The following KSR1 variants were observed in gnomAD, a reference collection of about 807,000 sequenced individuals.
KSR1 encodes the protein kinase suppressor of ras 1, also known as kinase suppressor of ras.
Under a neutral mutation model 92.9 loss-of-function variants are expected in KSR1, and 35 were observed. The ratio of observed to expected loss-of-function variants is 0.38; its 90% CI spans 0.29 to 0.50. The LOEUF is 0.50. Ranked by LOEUF, KSR1 falls within the 20% of genes least tolerant of loss-of-function variation. KSR1 has a pLI of 0.94. For synonymous variants in KSR1, 467 were observed against 472.6 expected (o/e 0.99, Z 0.15); for missense variants, 972 against 1,158.5 (o/e 0.84, Z 2.34).
intron 1 of KSR1, among the ~76,000 whole-genome samples, chr17:27,488,446 A>G (rs1485536003): frequency 6.6e-6 from 1 of 151,448 alleles, no homozygotes; most frequent in Non-Finnish European, 1.5e-5. Flanking sequence ...TTTCCTCTTG[A>G]TAGTTACTTA....
intron 9 of KSR1, among the ~76,000 whole-genome samples, chr17:27,593,428 G>C (rs941693849): frequency 2.6e-5 from 4 of 152,110 alleles, no homozygotes; most frequent in Non-Finnish European, 5.9e-5. Context: ...CAGACCAGGG[G>C]CTTAGCGTGT....
intron 2 of KSR1, among the ~76,000 whole-genome samples, chr17:27,569,301 T>C (rs943342623): frequency 2.0e-5 from 3 of 152,258 alleles, no homozygotes; most frequent in African/African-American, 7.2e-5. Context: ...GTTTCTCTAA[T>C]GCAGGACACA....
At chr17:27,469,239 T>C (rs1468976015) in intron 1 of KSR1, among the ~76,000 whole-genome samples, 2 of 151,006 alleles carry the variant, frequency 1.3e-5, no homozygotes, top group Non-Finnish European at 2.9e-5. Context: ...GTTGACCACT[T>C]TCTCATTTCT....
At chr17:27,579,226 T>G (rs1015993519) in intron 3 of KSR1, 1 of 152,196 alleles carries the variant, frequency 6.6e-6, no homozygotes, top group Non-Finnish European at 1.5e-5. Flanking sequence ...CATTAGATTG[T>G]GCATCACAGC....
Position 27,548,639 on chromosome 17 carries a change from G to A in KSR1, c.232-1929G>A, listed in dbSNP as rs910306209. 4.5e-4 allele frequency among the ~76,000 whole-genome samples: 69 copies of A among 152,270 alleles called. 1 individual carries two copies. The highest frequency in any genetic ancestry group is 1.6e-3 in the African/African-American group (67 of 41,560). ...GAGGTCAGAAGTTGGAGACCAGCCT[G>A]TCCAACATGGCGAAAACCCGTCTCT... On this transcript the variant is annotated intron_variant, in intron 1 of 20. Coordinates refer to ENST00000644974, the MANE Select transcript of KSR1 (RefSeq NM_001394583.1).
chr17:27,513,685 A>T (rs1476160647), intron 1 of KSR1, among the ~76,000 whole-genome samples: 1 of 152,122 alleles, frequency 6.6e-6, no homozygotes, highest in Non-Finnish European at 1.5e-5. Context: ...TCTCTTGGGG[A>T]CGCATCGTTT....
chr17:27,601,549 T>C lies in KSR1; in HGVS notation c.1510+148T>C, dbSNP rs558649191. ...CTGAGAGCTGACTGCCCATAGAGGA[T>C]GGGAAGAGGGCAGGGCAAGTGCCCT... On this transcript the variant is annotated intron_variant, in intron 11 of 20. Transcript: ENST00000644974. 436 of 708,954 alleles carry C rather than the reference T, an allele frequency of 6.1e-4. 5 individuals are homozygous for C. In the South Asian group the frequency reaches 7.7e-3, roughly 13 times the overall value. 43.9% of individuals were successfully genotyped at this position (708,954 alleles called of 1,614,324 possible).
chr17:27,524,477 G>T (rs1767548204), intron 1 of KSR1, among the ~76,000 whole-genome samples: 1 of 152,220 alleles, frequency 6.6e-6, no homozygotes, highest in Non-Finnish European at 1.5e-5. Context: ...AGGTTTGGAG[G>T]CTGAAGGACA....
chr17:27,567,557 C>T (rs1208400398), intron 2 of KSR1, among the ~76,000 whole-genome samples: 1 of 152,234 alleles, frequency 6.6e-6, no homozygotes, highest in Admixed American at 6.5e-5. Context: ...GAGCCCAGAG[C>T]CGCATTGCTT....
chr17:27,471,196 C>T (rs1215617107), intron 1 of KSR1, among the ~76,000 whole-genome samples: 1 of 152,126 alleles, frequency 6.6e-6, no homozygotes, highest in Non-Finnish European at 1.5e-5. Context: ...AGCATCTGCT[C>T]AATATCAGGT....
At chr17:27,500,264 G>C (rs533755309) in intron 1 of KSR1, among the ~76,000 whole-genome samples, 59 of 152,286 alleles carry the variant, frequency 3.9e-4, no homozygotes, top group African/African-American at 1.3e-3. Flanking sequence ...GCCTTCCCTT[G>C]AGCATTAGGG....
At chr17:27,540,278 G>A (rs984438206) in intron 1 of KSR1, among the ~76,000 whole-genome samples, 9 of 152,224 alleles carry the variant, frequency 5.9e-5, no homozygotes, top group Non-Finnish European at 8.8e-5. Flanking sequence ...AAGTGAGCTC[G>A]TTTTGTCTCA....
intron 1 of KSR1, among the ~76,000 whole-genome samples, chr17:27,529,380 T>A (rs2151038949): frequency 6.6e-6 from 1 of 152,382 alleles, no homozygotes; most frequent in African/African-American, 2.4e-5. Flanking sequence ...TACACTTCCG[T>A]GAATAGGCTT....
chr17:27,574,227 T>A (rs1208012098), intron 2 of KSR1, among the ~76,000 whole-genome samples: 1 of 152,174 alleles, frequency 6.6e-6, no homozygotes, highest in African/African-American at 2.4e-5. Context: ...GGCAAAGATA[T>A]CCAAACCTCA....
intron 1 of KSR1, among the ~76,000 whole-genome samples, chr17:27,545,906 G>A (rs1046531020): frequency 1.3e-5 from 2 of 152,210 alleles, no homozygotes; most frequent in East Asian, 1.9e-4. Flanking sequence ...CTGTGGTGGC[G>A]AAAGTCTTGT....
At chr17:27,592,805 TGTG>T (rs1473917698) in intron 9 of KSR1, among the ~76,000 whole-genome samples, 179 bp downstream of exon 9, 1 of 152,184 alleles carries the variant, frequency 6.6e-6, no homozygotes, top group East Asian at 1.9e-4. Flanking sequence ...ACATTTAAGT[TGTG>T]GTGGTACAGC....
At chr17:27,593,934 G>A (rs1178532451) in intron 9 of KSR1, among the ~76,000 whole-genome samples, 10 of 152,252 alleles carry the variant, frequency 6.6e-5, no homozygotes, top group Non-Finnish European at 1.0e-4. Flanking sequence ...AAGCTCCCTC[G>A]AGGCCTTCCA....
At chr17:27,507,501 G>T (rs1338209811) in intron 1 of KSR1, among the ~76,000 whole-genome samples, 1 of 148,134 alleles carries the variant, frequency 6.8e-6, no homozygotes, top group African/African-American at 2.5e-5. Flanking sequence ...ATTATGTGTT[G>T]AAGTGATATT....
intron 5 of KSR1, chr17:27,588,146 G>A (rs1030704101): frequency 5.3e-6 from 1 of 188,756 alleles, no homozygotes; most frequent in South Asian, 1.4e-4. Context: ...AGGTTGGGCT[G>A]TGTAGAAGCT....
Sources: allele counts gnomAD v4.1 joint callset (sites outside exome capture counted in the v4.1 genomes callset), GRCh38; gene constraint gnomAD v4.1.1; transcripts MANE v1.5; gene names NCBI Gene and HGNC (gene_info 2026-07-23, HGNC 2026-07-21).